The following MITF variants were observed in gnomAD, a reference collection of about 807,000 sequenced individuals.
MITF encodes melanocyte inducing transcription factor.
Under a neutral mutation model 60.5 loss-of-function variants are expected in MITF, and 17 were observed. That is an observed-to-expected ratio of 0.28 (90% confidence interval 0.19 to 0.42). The LOEUF (loss-of-function observed/expected upper bound fraction) is 0.42, where lower values mean the gene tolerates loss of function less well. Ranked by LOEUF, MITF falls within the 10% of genes least tolerant of loss-of-function variation. The probability of loss-of-function intolerance (pLI) is 1.00; values close to 1 mark genes in which losing one functional copy is unlikely to be tolerated. For synonymous variants in MITF, 260 were observed against 248.5 expected (o/e 1.05, Z -0.43); for missense variants, 622 against 683.5 (o/e 0.91, Z 1.00).
At chr3:69,768,759 A>G (rs1375248822) in intron 1 of MITF, among the ~76,000 whole-genome samples, 28 of 152,212 alleles carry the variant, frequency 1.8e-4, no homozygotes. Context: ...TCTTCCTCAC[A>G]TTCCCTATCC....
intron 5 of MITF, among the ~76,000 whole-genome samples, chr3:69,948,708 T>C (rs1429005244): frequency 6.6e-6 from 1 of 152,168 alleles, no homozygotes; most frequent in Non-Finnish European, 1.5e-5. Context: ...CAACATTTCC[T>C]GAACACCCAC....
chr3:69,763,080 G>C (rs1219926104), intron 1 of MITF, among the ~76,000 whole-genome samples: 1 of 152,100 alleles, frequency 6.6e-6, no homozygotes, highest in Non-Finnish European at 1.5e-5. Context: ...CAGTGTTTAT[G>C]GCTGCTGTTA....
rs112316463 is a variant in MITF at position 69,797,019 on chromosome 3, A to G, written c.104+57318A>G. Among the ~76,000 whole-genome samples the G allele has an allele frequency of 4.3e-3, 661 of 152,336 alleles. 6 individuals are homozygous for G. The highest frequency in any genetic ancestry group is 0.015 in the African/African-American group (613 of 41,582). On this transcript the variant is annotated intron_variant, in intron 1 of 9. Coordinates refer to ENST00000352241, the MANE Select transcript of MITF (RefSeq NM_001354604.2). The stretch of plus-strand genomic sequence containing the variant: ...TTGCAGGTTTTCTGACTCTAACATA[A>G]GCTAAATACATTAGCAAGGAGAACA...
intron 1 of MITF, among the ~76,000 whole-genome samples, chr3:69,804,655 G>A (rs2062976305): frequency 6.6e-6 from 1 of 152,190 alleles, no homozygotes; most frequent in African/African-American, 2.4e-5. Flanking sequence ...TGATATGAGA[G>A]CAAGTGTTTT....
intron 2 of MITF, among the ~76,000 whole-genome samples, chr3:69,880,045 C>G (rs956528828): frequency 2.0e-5 from 3 of 152,190 alleles, no homozygotes; most frequent in Non-Finnish European, 4.4e-5. Context: ...TCTTCCACAT[C>G]ACATAGGGAG....
At chr3:69,961,041 A>T (rs191724661) in intron 9 of MITF, among the ~76,000 whole-genome samples, 2 of 152,178 alleles carry the variant, frequency 1.3e-5, no homozygotes, top group Non-Finnish European at 2.9e-5. Flanking sequence ...TGTCTCTTCA[A>T]TAAGTAGCTA....
chr3:69,908,521 A>G (rs556874955), intron 2 of MITF, among the ~76,000 whole-genome samples: 500 of 152,308 alleles, frequency 3.3e-3, no homozygotes, highest in Non-Finnish European at 5.6e-3. Flanking sequence ...ACTTAATGAA[A>G]TCATTATTCT....
At chr3:69,825,707 C>A (rs376340346) in intron 1 of MITF, among the ~76,000 whole-genome samples, 4 of 152,080 alleles carry the variant, frequency 2.6e-5, no homozygotes, top group South Asian at 4.2e-4. Flanking sequence ...AAAAGAAAAA[C>A]CAGAATAAGG....
At chr3:69,935,835 A>G (rs2065820984) in intron 2 of MITF, among the ~76,000 whole-genome samples, 1 of 152,246 alleles carries the variant, frequency 6.6e-6, no homozygotes, top group Non-Finnish European at 1.5e-5. Flanking sequence ...TTAACAGTCA[A>G]TAATGAATGA....
chr3:69,844,075 A>T (rs185330426), intron 1 of MITF, among the ~76,000 whole-genome samples: 3 of 152,320 alleles, frequency 2.0e-5, no homozygotes, highest in Admixed American at 6.5e-5. Flanking sequence ...AAAACAACTC[A>T]TCCTGTTTTA....
intron 1 of MITF, among the ~76,000 whole-genome samples, chr3:69,848,244 A>G (rs528605148): frequency 4.5e-4 from 69 of 152,354 alleles, no homozygotes; most frequent in African/African-American, 1.5e-3. Context: ...TGGTGTCAGC[A>G]TAGATGGCAG....
rs1056949708 is a variant in MITF at position 69,739,478 on chromosome 3, G to C, written c.-120G>C. On this transcript the variant is annotated 5_prime_UTR_variant, in exon 1 of 10. Transcript: ENST00000352241. ...GGCGGGCGGCCGCGAGCCGGCGAGC[G>C]GGCAGAGCTCGGCACTGCGCCGGGG... 6 of 854,000 alleles carry C rather than the reference G, an allele frequency of 7.0e-6. No homozygotes were observed. Among genetic ancestry groups the C allele is most frequent in the Middle Eastern group, 3.2e-4 (1 of 3,106 alleles). 52.9% of individuals were successfully genotyped at this position (854,000 alleles called of 1,614,324 possible).
intron 1 of MITF, among the ~76,000 whole-genome samples, chr3:69,765,949 T>G (rs2062284439): frequency 6.6e-6 from 1 of 152,232 alleles, no homozygotes; most frequent in Non-Finnish European, 1.5e-5. Context: ...AATGTGAGTT[T>G]TAAAAGTTTG....
chr3:69,804,496 C>T (rs1237473468), intron 1 of MITF, among the ~76,000 whole-genome samples: 1 of 152,144 alleles, frequency 6.6e-6, no homozygotes, highest in African/African-American at 2.4e-5. Context: ...ATAATTCTTC[C>T]ATGCCCAACA....
intron 1 of MITF, among the ~76,000 whole-genome samples, chr3:69,789,590 T>C (rs909553853): frequency 1.3e-5 from 2 of 152,028 alleles, no homozygotes; most frequent in African/African-American, 4.8e-5. Context: ...CATAAAAAAT[T>C]AAAAATAGTA....
In MITF at chr3:69,904,279, A is replaced by T. The variant is rs531349331; in HGVS notation, c.354+24896A>T. Among the ~76,000 whole-genome samples, 10 of 152,336 alleles carry T rather than the reference A, an allele frequency of 6.6e-5. No individual in the cohort carries two copies. The South Asian group carries it at 2.1e-3, about 32-fold the overall frequency. On this transcript the variant is annotated intron_variant, in intron 2 of 9. Coordinates refer to ENST00000352241, the MANE Select transcript of MITF (RefSeq NM_001354604.2). ...AACATAAATGATAGTTTAAAAATTGATGCTTCACTACATTTTAACAGCCTT... is the reference window on the plus strand; with the variant it reads ...AACATAAATGATAGTTTAAAAATTGTTGCTTCACTACATTTTAACAGCCTT...
chr3:69,890,428 G>A (rs887710330), intron 2 of MITF, among the ~76,000 whole-genome samples: 3 of 152,120 alleles, frequency 2.0e-5, no homozygotes, highest in African/African-American at 4.8e-5. Context: ...GATGTCTAAA[G>A]TCTTGCGAAT....
intron 9 of MITF, among the ~76,000 whole-genome samples, chr3:69,963,389 G>A (rs997793273): frequency 3.9e-5 from 6 of 152,056 alleles, no homozygotes; most frequent in African/African-American, 1.4e-4. Context: ...TTTACTTCAT[G>A]GCACTCTTAG....
chr3:69,944,294 C>T (rs2066041565), intron 5 of MITF, among the ~76,000 whole-genome samples: 1 of 152,090 alleles, frequency 6.6e-6, no homozygotes, highest in South Asian at 2.1e-4. Context: ...CTAAGGTGTG[C>T]TTCCTGTTCT....
Sources: allele counts gnomAD v4.1 joint callset (sites outside exome capture counted in the v4.1 genomes callset), GRCh38; gene constraint gnomAD v4.1.1; transcripts MANE v1.5; gene names NCBI Gene and HGNC (gene_info 2026-07-23, HGNC 2026-07-21).